Variants in KCTD10 observed in about 807,000 individuals in gnomAD.
KCTD10 encodes the protein potassium channel tetramerization domain containing 10.
A neutral mutation model predicts 34.6 loss-of-function variants in KCTD10; 13 were observed. The ratio of observed to expected loss-of-function variants is 0.38; its 90% CI spans 0.24 to 0.60. The LOEUF (loss-of-function observed/expected upper bound fraction) is 0.60, where lower values mean the gene tolerates loss of function less well. Ranked by LOEUF, KCTD10 falls within the 20% of genes least tolerant of loss-of-function variation. The probability of loss-of-function intolerance (pLI) is 0.66; values close to 1 mark genes in which losing one functional copy is unlikely to be tolerated. For synonymous variants in KCTD10, 156 were observed against 168.8 expected, an observed-to-expected ratio of 0.92 and a Z score of 0.59; for missense variants, 256 against 420.3, an observed-to-expected ratio of 0.61 and a Z score of 3.42.
intron 1 of KCTD10, among the ~76,000 whole-genome samples, chr12:109,475,967 T>C (rs1439420800): frequency 2.0e-5 from 3 of 152,238 alleles, no homozygotes; most frequent in Non-Finnish European, 4.4e-5. Context: ...GTGAGAAAGA[T>C]GTTTATCATC....
chr12:109,469,680 C>A lies in KCTD10; in HGVS notation c.52G>T (p.Ala18Ser). The change falls in exon 2 of 7, where the codon GCT becomes TCT. Residue 18 changes from alanine to serine, a missense_variant. Physicochemically the swap from Ala to Ser is moderately conservative, Grantham distance 99 (BLOSUM62 1). Transcript: ENST00000228495. ...CCCTTGAAGGAAGTGGTGCGGGTAGCAGCCGCTGGCACCGCTGAGCTCACC... is the reference window on the plus strand; with the variant it reads ...CCCTTGAAGGAAGTGGTGCGGGTAGAAGCCGCTGGCACCGCTGAGCTCACC... ...SVVSSAVPAA[A>S]TRTTSFKGTS... is the part of the protein sequence containing the mutation. 1 of 1,614,216 alleles carries A rather than the reference C, an allele frequency of 6.2e-7. No individual in the cohort carries two copies. Among genetic ancestry groups the A allele is most frequent in the Non-Finnish European group, 8.5e-7 (1 of 1,180,038 alleles).
chr12:109,475,069 T>C (rs767545164), intron 1 of KCTD10, among the ~76,000 whole-genome samples: 2 of 152,166 alleles, frequency 1.3e-5, no homozygotes, highest in African/African-American at 4.8e-5. Flanking sequence ...AGAGAATGAA[T>C]GTTAAAGCAT....
At position 109,451,625 on chromosome 12, in the gene KCTD10, G is replaced by A; in HGVS notation, c.912C>T (p.Arg304=). The change falls in exon 7 of 7, where the codon CGC becomes CGT. Residue 304 remains arginine, a synonymous_variant. Transcript: ENST00000228495. This position sits in a 1 kb window ranked among gnomAD's most constrained non-coding sequence, Gnocchi z 5.0. ...GGTGGAGGTGGGCCCGGTCATCAGG[G>A]CGCTTGATGTGGATCCTCCGCACGC... ...IERVRRIHIK[R]PDDRAHLHQ 6.2e-7 allele frequency: 1 copy of A among 1,610,320 alleles called. No homozygotes were observed. Among genetic ancestry groups the A allele is most frequent in the Non-Finnish European group, 8.5e-7 (1 of 1,178,930 alleles).
intron 1 of KCTD10, among the ~76,000 whole-genome samples, chr12:109,472,276 A>T (rs1482689375): frequency 6.6e-6 from 1 of 152,112 alleles, no homozygotes; most frequent in East Asian, 1.9e-4. Context: ...TTATTCTATA[A>T]GCTTTTTTCT....
chr12:109,476,697 A>G (rs1414602807), intron 1 of KCTD10, among the ~76,000 whole-genome samples: 1 of 150,574 alleles, frequency 6.6e-6, no homozygotes, highest in African/African-American at 2.4e-5. Flanking sequence ...GGCTCTCTCG[A>G]TTTCTTTCCC....
At chr12:109,465,847 G>A (rs1263905796) in intron 2 of KCTD10, among the ~76,000 whole-genome samples, 2 of 152,146 alleles carry the variant, frequency 1.3e-5, no homozygotes, top group Middle Eastern at 3.2e-3. Context: ...GGGAATGTGC[G>A]ATCACAAAAT....
chr12:109,458,958 T>G (rs1352385625), intron 3 of KCTD10: 1 of 152,342 alleles, frequency 6.6e-6, no homozygotes, highest in Non-Finnish European at 1.5e-5. Flanking sequence ...GAGTCTCTCA[T>G]TCCTTCAACA....
rs557392296 is a variant in KCTD10, at chr12:109,461,727, G to A, written c.218-922C>T. On this transcript the variant is annotated intron_variant, in intron 2 of 6. Transcript: ENST00000228495. ...AAGGCAGGAATGGAGCAAAGTCCAA[G>A]TATCTCCCAACAGCAAATGTGAAGC... Among the ~76,000 whole-genome samples, 11 of 152,308 alleles carry A rather than the reference G, an allele frequency of 7.2e-5. No homozygotes were observed. In the South Asian group the frequency reaches 1.2e-3, roughly 17 times the overall value.
chr12:109,457,842 G>A, intron 4 of KCTD10, 150 bp downstream of exon 4: 2 of 980,302 alleles, frequency 2.0e-6, no homozygotes, highest in South Asian at 2.7e-5. Context: ...AATAGCAGGG[G>A]CACAAAAGAT....
Position 109,448,814 on chromosome 12 carries a change from C to T in KCTD10, c.*2781G>A, listed in dbSNP as rs1872610273. On this transcript the variant is annotated 3_prime_UTR_variant, in exon 7 of 7. Coordinates refer to ENST00000228495, the MANE Select transcript of KCTD10 (RefSeq NM_031954.5). ...TTTGGGTAGGGCCCTAAAGACAGCACACGCTCCAGAGGGCGGGCTGAGTGT... is the reference window on the plus strand; with the variant it reads ...TTTGGGTAGGGCCCTAAAGACAGCATACGCTCCAGAGGGCGGGCTGAGTGT... 1 of 152,200 alleles carries T rather than the reference C, an allele frequency of 6.6e-6. No homozygotes were observed. The highest frequency in any genetic ancestry group is 1.5e-5 in the Non-Finnish European group (1 of 68,046). The allele number at this position is 152,200 out of a possible 1,614,324, so 9.4% of individuals were successfully genotyped here.
At chr12:109,468,334 C>T (rs1049429716) in intron 2 of KCTD10, among the ~76,000 whole-genome samples, 1 of 152,158 alleles carries the variant, frequency 6.6e-6, no homozygotes, top group Non-Finnish European at 1.5e-5. Context: ...GGACACCAGG[C>T]TTAGGTCCCC....
At chr12:109,471,729 G>T (rs1487379228) in intron 1 of KCTD10, among the ~76,000 whole-genome samples, 1 of 152,214 alleles carries the variant, frequency 6.6e-6, no homozygotes. Flanking sequence ...AAGGCTTACG[G>T]TCATGGGTGA....
At chr12:109,452,154 C>T (rs1872805555) in intron 6 of KCTD10, among the ~76,000 whole-genome samples, 1 of 152,128 alleles carries the variant, frequency 6.6e-6, no homozygotes, top group South Asian at 2.1e-4. Flanking sequence ...ACAAGGTGGC[C>T]CACCACACAG....
intron 2 of KCTD10, among the ~76,000 whole-genome samples, chr12:109,462,486 C>T (rs1028106857): frequency 6.6e-6 from 1 of 152,248 alleles, no homozygotes; most frequent in Middle Eastern, 3.2e-3. Flanking sequence ...ATCACCCTGA[C>T]AGTGACCTGC....
Position 109,469,479 on chromosome 12 carries a change from C to A in KCTD10, c.217+36G>T, listed in dbSNP as rs374342482. 47 of 1,607,212 alleles carry A rather than the reference C, an allele frequency of 2.9e-5. 1 individual carries two copies. The African/African-American group carries it at 6.0e-4, about 21-fold the overall frequency. On this transcript the variant is annotated intron_variant, in intron 2 of 6. Transcript: ENST00000228495. Reference sequence around the variant, plus strand: ...GGAAGCCCTCCTTGACCACATAACGCATGGCCAGAGGCAGGCACATGGTGG... The same window carrying A: ...GGAAGCCCTCCTTGACCACATAACGAATGGCCAGAGGCAGGCACATGGTGG...
chr12:109,453,771 T>C (rs1291324605), intron 6 of KCTD10, among the ~76,000 whole-genome samples: 1 of 152,166 alleles, frequency 6.6e-6, no homozygotes, highest in East Asian at 1.9e-4. Context: ...CTTAGAGAAC[T>C]GCGGAGAAGA....
At chr12:109,475,773 G>C (rs1328262961) in intron 1 of KCTD10, among the ~76,000 whole-genome samples, 1 of 152,146 alleles carries the variant, frequency 6.6e-6, no homozygotes, top group African/African-American at 2.4e-5. Context: ...CCCAAACTGA[G>C]GGCATTTCTA....
chr12:109,471,494 G>T (rs1873883803), intron 1 of KCTD10: 10 of 871,862 alleles, frequency 1.1e-5, no homozygotes, highest in Non-Finnish European at 1.4e-5. Flanking sequence ...CTCAGGCTTA[G>T]CTCACCTGGG....
rs938640272 is a variant in KCTD10 at position 109,460,032 on chromosome 12, C to T, written c.387+604G>A. ...CAGCATTATGGGTACTGGTCCGGTG[C>T]GGGGCCAGACACAGACATGTGGTGT... is the stretch of plus-strand genomic sequence containing the variant. On this transcript the variant is annotated intron_variant, in intron 3 of 6. Coordinates refer to ENST00000228495, the MANE Select transcript of KCTD10 (RefSeq NM_031954.5). This position sits in a 1 kb window ranked among gnomAD's most constrained non-coding sequence, Gnocchi z 4.5. 3.9e-5 allele frequency among the ~76,000 whole-genome samples: 6 copies of T among 152,182 alleles called. No individual in the cohort carries two copies. Among genetic ancestry groups the T allele is most frequent in the East Asian group, 1.9e-4 (1 of 5,198 alleles).
Sources: allele counts gnomAD v4.1 joint callset (sites outside exome capture counted in the v4.1 genomes callset), GRCh38; gene constraint gnomAD v4.1.1; non-coding constraint Gnocchi (gnomAD v3.1); transcripts MANE v1.5; gene names NCBI Gene and HGNC (gene_info 2026-07-23, HGNC 2026-07-21).